Variants in CFAP47 observed in about 807,000 individuals in gnomAD.
CFAP47 encodes cilia- and flagella-associated protein 47.
In CFAP47, 29 loss-of-function variants were observed where a neutral mutation model predicts 148.1. The observed-to-expected ratio is 0.20, with a 90% CI of 0.15 to 0.27. The LOEUF is 0.27. Among genes scored for constraint, CFAP47 ranks in the 10% least tolerant of loss-of-function variants. CFAP47 has a pLI of 1.00. For synonymous variants in CFAP47, 664 were observed against 577.3 expected (o/e 1.15, Z -2.15); for missense variants, 1,872 against 1,697.5 (o/e 1.10, Z -1.81).
intron 36 of CFAP47, among the ~76,000 whole-genome samples, chrX:36,148,573 C>T (rs1432248777): frequency 8.9e-6 from 1 of 111,892 alleles, no homozygotes; most frequent in Non-Finnish European, 1.9e-5. Flanking sequence ...TAATGCTCCC[C>T]ATGTCTCTGG....
chrX:36,368,727 T>A (rs969258832), intron 62 of CFAP47, among the ~76,000 whole-genome samples: 2 of 111,729 alleles, frequency 1.8e-5, no homozygotes, highest in South Asian at 3.7e-4. Flanking sequence ...TTTCCTCATT[T>A]ATAAAGTGGA....
At chrX:36,241,861 A>G (rs889690266) in intron 48 of CFAP47, among the ~76,000 whole-genome samples, 1 of 111,959 alleles carries the variant, frequency 8.9e-6, no homozygotes, top group Admixed American at 9.5e-5. Flanking sequence ...ACGCCTAACA[A>G]AAGAAATGTG....
chrX:35,921,782 T>G (rs6632396), intron 1 of CFAP47, among the ~76,000 whole-genome samples: 20,234 of 105,372 alleles, frequency 0.19, 1,580 homozygotes, highest in African/African-American at 0.33. Flanking sequence ...TGCATCTTGT[T>G]GGGGTGGGGG....
chrX:36,379,505 C>T lies in CFAP47; in HGVS notation c.9341C>T (p.Thr3114Ile). ...PKMYCRKYKA[T>I]LVIQTEEMYW... Reference sequence around the variant, plus strand: ...ATGTACTGTAGGAAATATAAAGCAACATTAGTAATACAGGTGAGTTCTATA... The same window carrying T: ...ATGTACTGTAGGAAATATAAAGCAATATTAGTAATACAGGTGAGTTCTATA... The change falls in exon 63 of 64, where the codon ACA becomes ATA. Residue 3114 changes from threonine to isoleucine, a missense_variant. By Grantham distance (89) the Thr-to-Ile change is moderately conservative (BLOSUM62 -1). Transcript: ENST00000378653. The T allele has an allele frequency of 8.6e-7, 1 of 1,157,393 alleles. No homozygotes were observed. The highest frequency in any genetic ancestry group is 1.9e-5 in the South Asian group (1 of 52,468).
chrX:36,008,567 C>G (rs1275457364), intron 21 of CFAP47, among the ~76,000 whole-genome samples: 2 of 109,248 alleles, frequency 1.8e-5, no homozygotes, highest in Non-Finnish European at 3.8e-5. Flanking sequence ...GTCAGGAGTT[C>G]CAGACTAGCC....
rs776735297 is a variant in CFAP47 at position 35,955,949 on chromosome X, T to C, written c.1175-12T>C. 2 of 1,206,832 alleles carry C rather than the reference T, an allele frequency of 1.7e-6. No homozygotes were observed. The highest frequency in any genetic ancestry group is 3.5e-5 in the African/African-American group (2 of 57,203). On this transcript the variant is annotated splice_polypyrimidine_tract_variant and intron_variant, in intron 7 of 63. Transcript: ENST00000378653. ...CACTTTTTATGTTCAACAGCTATTA[T>C]TGCTTTTACAGGTGAACGATTTCAG... is the stretch of plus-strand genomic sequence containing the variant.
intron 27 of CFAP47, among the ~76,000 whole-genome samples, chrX:36,066,200 A>C (rs1601956820): frequency 9.0e-6 from 1 of 111,387 alleles, no homozygotes; most frequent in Middle Eastern, 4.6e-3. Flanking sequence ...TAAACAAGCT[A>C]GTGAGCAGGG....
chrX:35,994,239 G>T (rs1031536428), intron 18 of CFAP47, among the ~76,000 whole-genome samples: 1 of 110,254 alleles, frequency 9.1e-6, no homozygotes, highest in Non-Finnish European at 1.9e-5. Context: ...TCCAGCCTGG[G>T]CAACAGAGCG....
intron 13 of CFAP47, among the ~76,000 whole-genome samples, chrX:35,973,220 C>T (rs978425837): frequency 9.0e-6 from 1 of 111,336 alleles, no homozygotes; most frequent in Non-Finnish European, 1.9e-5. Context: ...GACGGAGTCT[C>T]GCTCTGTCGC....
intron 3 of CFAP47, among the ~76,000 whole-genome samples, chrX:35,943,254 T>C (rs1936036866): frequency 8.9e-6 from 1 of 111,901 alleles, no homozygotes; most frequent in South Asian, 3.6e-4. Flanking sequence ...TTAAAAAACA[T>C]TTTATATGGT....
chrX:36,082,252 T>C lies in CFAP47; in HGVS notation c.4692-3062T>C, dbSNP rs147648911. Among the ~76,000 whole-genome samples the C allele has an allele frequency of 8.5e-3, 938 of 110,931 alleles. 10 individuals are homozygous for C. The highest frequency in any genetic ancestry group is 0.024 in the African/African-American group (732 of 30,608). On this transcript the variant is annotated intron_variant, in intron 29 of 63. Transcript: ENST00000378653. ...ATAACAGGCCTGAGATAATATCTCG[T>C]TGGGATTTTAATTTGTACTTCCTTT... is the stretch of plus-strand genomic sequence containing the variant.
At chrX:35,992,169 T>C (rs1458014555) in intron 17 of CFAP47, among the ~76,000 whole-genome samples, 1 of 111,357 alleles carries the variant, frequency 9.0e-6, no homozygotes, top group African/African-American at 3.3e-5. Context: ...ATTCTTTCTG[T>C]TATTTGGTTT....
At chrX:36,352,920 A>G (rs2146986072) in intron 59 of CFAP47, among the ~76,000 whole-genome samples, 1 of 110,176 alleles carries the variant, frequency 9.1e-6, no homozygotes, top group South Asian at 3.7e-4. Context: ...TTACAATTTT[A>G]CTTTTATGTG....
At chrX:36,280,454 A>G in intron 49 of CFAP47, 33 bp from the exon 50 acceptor site, 1 of 461,757 alleles carries the variant, frequency 2.2e-6, no homozygotes, top group South Asian at 3.3e-5. Context: ...CTAAACCCTG[A>G]TTAATAGGGC....
chrX:36,144,676 C>A, intron 35 of CFAP47: 1 of 1,027,544 alleles, frequency 9.7e-7, no homozygotes, highest in Non-Finnish European at 1.3e-6. Flanking sequence ...GTGGCCAGAA[C>A]AAAGAGACAG....
intron 57 of CFAP47, among the ~76,000 whole-genome samples, chrX:36,340,449 G>A (rs1459530488): frequency 9.0e-6 from 1 of 111,671 alleles, no homozygotes; most frequent in Non-Finnish European, 1.9e-5. Flanking sequence ...AGTTCTAGAG[G>A]CTACGAGTCC....
chrX:35,970,193 G>A (rs898347369), intron 10 of CFAP47, among the ~76,000 whole-genome samples: 4 of 109,758 alleles, frequency 3.6e-5, no homozygotes, highest in African/African-American at 1.3e-4. Flanking sequence ...AAAATATATG[G>A]TGGGTAAAAA....
At chrX:35,966,800 T>A in intron 9 of CFAP47, 46 bp downstream of exon 9, 1 of 887,504 alleles carries the variant, frequency 1.1e-6, no homozygotes, top group Non-Finnish European at 1.5e-6. Context: ...TTACTGTTGT[T>A]AATTTAAGAT....
intron 57 of CFAP47, among the ~76,000 whole-genome samples, chrX:36,328,529 G>C (rs1293426144): frequency 2.7e-5 from 3 of 111,724 alleles, no homozygotes; most frequent in Non-Finnish European, 5.6e-5. Flanking sequence ...AGCAAATTGG[G>C]GCCGGGCGCG....
Sources: gnomAD v4.1 joint callset for allele counts (sites outside exome capture counted in the v4.1 genomes callset) on GRCh38, gnomAD v4.1.1 for gene constraint, MANE v1.5 for transcripts, NCBI Gene and HGNC (gene_info 2026-07-23, HGNC 2026-07-21) for gene names.